The following STXBP6 variants were observed in gnomAD, a reference collection of about 807,000 sequenced individuals.
STXBP6 encodes the protein syntaxin binding protein 6.
In STXBP6, 21 loss-of-function variants were observed where a neutral mutation model predicts 26.9. That is an observed-to-expected ratio of 0.78 (90% CI 0.55 to 1.12). The LOEUF (loss-of-function observed/expected upper bound fraction) is 1.12. Among genes scored for constraint, STXBP6 ranks in the 50% most tolerant of loss-of-function variants. The pLI is 0.00. For synonymous variants in STXBP6, 97 were observed against 92.6 expected, an observed-to-expected ratio of 1.05 and a Z score of -0.27; for missense variants, 232 against 257.9, an observed-to-expected ratio of 0.90 and a Z score of 0.69.
chr14:24,956,701 C>T (rs1244344332), intron 2 of STXBP6, among the ~76,000 whole-genome samples: 1 of 149,296 alleles, frequency 6.7e-6, no homozygotes, highest in Admixed American at 6.7e-5. Context: ...AAACAAAATA[C>T]CTCACACTAA....
chr14:24,819,366 A>G (rs1185282555), intron 4 of STXBP6, 172 bp from the exon 5 acceptor site: 9 of 729,362 alleles, frequency 1.2e-5, no homozygotes, highest in Non-Finnish European at 2.1e-5. Context: ...TGACTGACGC[A>G]CTTGCAGCAA....
chr14:24,835,728 G>A (rs2068591161), intron 4 of STXBP6, among the ~76,000 whole-genome samples: 1 of 152,176 alleles, frequency 6.6e-6, no homozygotes, highest in African/African-American at 2.4e-5. Context: ...AAACAAAGTA[G>A]ACTGTACAGA....
rs2075209555 is a variant in STXBP6, at chr14:25,018,936, A to G, written c.-33+30942T>C. Among the ~76,000 whole-genome samples, 3 of 152,318 alleles carry G rather than the reference A, an allele frequency of 2.0e-5. No individual in the cohort carries two copies. The South Asian group carries it at 6.2e-4, about 32-fold the overall frequency. ...AACTGACAATTGCTAGAGGATCTTAAGGAGGCTAGGGCTCCTTGGCTGCAA... is the reference window on the plus strand; with the variant it reads ...AACTGACAATTGCTAGAGGATCTTAGGGAGGCTAGGGCTCCTTGGCTGCAA... On this transcript the variant is annotated intron_variant, in intron 1 of 5. Coordinates refer to ENST00000323944, the MANE Select transcript of STXBP6 (RefSeq NM_001394410.1).
chr14:24,902,053 CAATA>C (rs2071233173), intron 2 of STXBP6, among the ~76,000 whole-genome samples: 1 of 152,042 alleles, frequency 6.6e-6, no homozygotes, highest in Non-Finnish European at 1.5e-5. Context: ...TTTCTTATTA[CAATA>C]AATATTTTCC....
intron 2 of STXBP6, among the ~76,000 whole-genome samples, chr14:24,898,047 G>C (rs182893483): frequency 6.6e-6 from 1 of 152,270 alleles, no homozygotes; most frequent in Admixed American, 6.5e-5. Flanking sequence ...CTGTACACGA[G>C]GTTTAGCAAT....
intron 1 of STXBP6, among the ~76,000 whole-genome samples, chr14:25,003,198 A>C (rs777518704): frequency 2.0e-5 from 3 of 152,164 alleles, no homozygotes; most frequent in Non-Finnish European, 4.4e-5. Flanking sequence ...GGAGGGGAGG[A>C]GACCAGTTGT....
At chr14:24,937,895 A>G (rs931936860) in intron 2 of STXBP6, among the ~76,000 whole-genome samples, 6 of 152,192 alleles carry the variant, frequency 3.9e-5, no homozygotes, top group Admixed American at 3.3e-4. Context: ...TTTTGCTCCC[A>G]GTATTCTGGG....
chr14:24,836,082 C>A (rs2068602704), intron 4 of STXBP6, among the ~76,000 whole-genome samples: 1 of 152,184 alleles, frequency 6.6e-6, no homozygotes, highest in Non-Finnish European at 1.5e-5. Context: ...CCAGTGGCAA[C>A]ACTAGTTAAT....
At chr14:24,959,058 T>C (rs1220467370) in intron 2 of STXBP6, among the ~76,000 whole-genome samples, 1 of 152,200 alleles carries the variant, frequency 6.6e-6, no homozygotes, top group East Asian at 1.9e-4. Context: ...GTGATAGTCG[T>C]TGATCAATAA....
chr14:25,036,909 T>C (rs553168343), intron 1 of STXBP6, among the ~76,000 whole-genome samples: 1 of 151,086 alleles, frequency 6.6e-6, no homozygotes, highest in African/African-American at 2.4e-5. Context: ...ACTGGTCAGA[T>C]TTTATGTAAG....
chr14:24,960,109 T>C (rs2073480339), intron 2 of STXBP6, among the ~76,000 whole-genome samples: 1 of 152,246 alleles, frequency 6.6e-6, no homozygotes, highest in Non-Finnish European at 1.5e-5. Context: ...TTGCATATGT[T>C]AGGACACTTA....
intron 4 of STXBP6, among the ~76,000 whole-genome samples, chr14:24,852,147 C>G (rs1364900865): frequency 6.6e-6 from 1 of 152,072 alleles, no homozygotes; most frequent in South Asian, 2.1e-4. Context: ...TTGTCCTGAC[C>G]TATCTCCTGA....
At chr14:24,818,084 A>T (rs1165471620) in intron 5 of STXBP6, 1 of 456,572 alleles carries the variant, frequency 2.2e-6, no homozygotes, top group Non-Finnish European at 4.4e-6. Context: ...TGTTAAAGCC[A>T]GTTATTTTCT....
Position 24,938,925 on chromosome 14 carries a change from G to C in STXBP6, c.154+35740C>G, listed in dbSNP as rs1427012924. 2.6e-5 allele frequency among the ~76,000 whole-genome samples: 4 copies of C among 152,230 alleles called. No homozygotes were observed. In the East Asian group the frequency reaches 5.8e-4, roughly 22 times the overall value. ...AACAAAGGCAGAGGGTTGATGTCCAGGGGGAAGGAAGATCATTTAAGCAGC... is the reference window on the plus strand; with the variant it reads ...AACAAAGGCAGAGGGTTGATGTCCACGGGGAAGGAAGATCATTTAAGCAGC... On this transcript the variant is annotated intron_variant, in intron 2 of 5. Transcript: ENST00000323944.
intron 4 of STXBP6, among the ~76,000 whole-genome samples, chr14:24,841,266 G>T (rs529945367): frequency 6.6e-5 from 10 of 152,326 alleles, no homozygotes; most frequent in Admixed American, 3.9e-4. Flanking sequence ...GAACTTTGAA[G>T]ATATTAATGT....
chr14:25,039,660 G>A (rs1013916747), intron 1 of STXBP6, among the ~76,000 whole-genome samples: 1 of 151,210 alleles, frequency 6.6e-6, no homozygotes, highest in African/African-American at 2.4e-5. Context: ...TGTCAGAAAC[G>A]CAGAATCCCA....
At chr14:24,902,921 C>A (rs2071263348) in intron 2 of STXBP6, among the ~76,000 whole-genome samples, 1 of 151,980 alleles carries the variant, frequency 6.6e-6, no homozygotes, top group Admixed American at 6.6e-5. Flanking sequence ...AACAGGTGAT[C>A]CATAGAATTT....
At chr14:24,896,463 C>G (rs2070995783) in intron 2 of STXBP6, among the ~76,000 whole-genome samples, 2 of 152,160 alleles carry the variant, frequency 1.3e-5, no homozygotes, top group Admixed American at 1.3e-4. Context: ...CTGGGTCCCA[C>G]TCAAACCTAC....
chr14:24,943,986 C>CT (rs2072893351), intron 2 of STXBP6, among the ~76,000 whole-genome samples: 1 of 53,332 alleles, frequency 1.9e-5, no homozygotes, highest in African/African-American at 8.9e-5. Context: ...GTTTTCCCTC[C>CT]CCAAAAGTTT....
Sources: allele counts gnomAD v4.1 joint callset (sites outside exome capture counted in the v4.1 genomes callset), GRCh38; gene constraint gnomAD v4.1.1; transcripts MANE v1.5; gene names NCBI Gene and HGNC (gene_info 2026-07-23, HGNC 2026-07-21).